TTC28: variants seen among roughly 807,000 people sequenced by gnomAD.
TTC28 encodes tetratricopeptide repeat protein 28.
Under a neutral mutation model 198.0 loss-of-function variants are expected in TTC28, and 61 were observed. The observed-to-expected ratio is 0.31, with a 90% CI of 0.25 to 0.38. The LOEUF is 0.38. TTC28 is among the 10% of genes least tolerant of loss of function. The probability of loss-of-function intolerance (pLI) is 1.00; values close to 1 mark genes in which losing one functional copy is unlikely to be tolerated. For synonymous variants in TTC28, 1,171 were observed against 1,297.8 expected (o/e 0.90, Z 2.10); for missense variants, 2,678 against 3,164.0 (o/e 0.85, Z 3.69).
chr22:28,097,608 AGGAACACAATGCAGC>A (rs1196716019), intron 10 of TTC28, among the ~76,000 whole-genome samples: 5 of 152,238 alleles, frequency 3.3e-5, no homozygotes, highest in African/African-American at 1.2e-4. Flanking sequence ...TAAGTGCTGA[AGGAACACAATGCAGC>A]GGATTTACTT....
intron 16 of TTC28, 178 bp downstream of exon 16, chr22:27,998,362 G>T: frequency 1.9e-6 from 2 of 1,057,480 alleles, no homozygotes; most frequent in Non-Finnish European, 2.6e-6. Flanking sequence ...GATCTTAATA[G>T]TAGGAAAAAC....
intron 2 of TTC28, among the ~76,000 whole-genome samples, chr22:28,354,117 G>A (rs953534444): frequency 5.3e-5 from 8 of 152,190 alleles, no homozygotes; most frequent in Non-Finnish European, 7.3e-5. Flanking sequence ...GTGGAAAATA[G>A]TTTGGTGTTC....
intron 5 of TTC28, among the ~76,000 whole-genome samples, chr22:28,203,204 A>C (rs1469050614): frequency 6.6e-6 from 1 of 152,114 alleles, no homozygotes; most frequent in Non-Finnish European, 1.5e-5. Context: ...TGGCTTTTTC[A>C]TGTAGGCCCT....
chr22:28,447,768 A>C (rs551843579), intron 2 of TTC28, among the ~76,000 whole-genome samples: 1 of 152,348 alleles, frequency 6.6e-6, no homozygotes, highest in Non-Finnish European at 1.5e-5. Context: ...GAAATAATTA[A>C]TCTAAAACTT....
intron 2 of TTC28, among the ~76,000 whole-genome samples, chr22:28,470,265 G>T (rs1173583921): frequency 6.6e-6 from 1 of 152,152 alleles, no homozygotes; most frequent in African/African-American, 2.4e-5. Flanking sequence ...ACTAAGAGGT[G>T]GCTGGCTGGG....
intron 5 of TTC28, among the ~76,000 whole-genome samples, chr22:28,193,499 T>A (rs1230739098): frequency 1.3e-5 from 2 of 152,062 alleles, no homozygotes; most frequent in Admixed American, 1.3e-4. Flanking sequence ...GGCAAATTGA[T>A]TAAACAGTCA....
chr22:28,123,711 G>A (rs779487883), intron 6 of TTC28, among the ~76,000 whole-genome samples: 15 of 152,074 alleles, frequency 9.9e-5, no homozygotes, highest in African/African-American at 1.7e-4. Context: ...GACTGGGGGC[G>A]GTGGCTTATG....
At chr22:28,192,900 A>C (rs1291785150) in intron 5 of TTC28, among the ~76,000 whole-genome samples, 4 of 152,216 alleles carry the variant, frequency 2.6e-5, no homozygotes, top group African/African-American at 9.6e-5. Flanking sequence ...TCCCCAACCT[A>C]GCAAGGCAGG....
At chr22:28,567,975 C>A (rs1288503454) in intron 2 of TTC28, among the ~76,000 whole-genome samples, 1 of 151,264 alleles carries the variant, frequency 6.6e-6, no homozygotes, top group Non-Finnish European at 1.5e-5. Flanking sequence ...AATTGGGGAA[C>A]AATTTAAAAA....
At chr22:28,482,186 G>C (rs1297392419) in intron 2 of TTC28, among the ~76,000 whole-genome samples, 1 of 141,352 alleles carries the variant, frequency 7.1e-6, no homozygotes, top group Non-Finnish European at 1.5e-5. Flanking sequence ...TGCTTAGCTA[G>C]TAGAGATAGT....
intron 2 of TTC28, among the ~76,000 whole-genome samples, chr22:28,543,972 G>A (rs1216308341): frequency 2.6e-5 from 4 of 152,212 alleles, no homozygotes; most frequent in African/African-American, 9.6e-5. Context: ...TGTAATCCCA[G>A]CACTTTGAGA....
chr22:28,616,601 A>G lies in TTC28; in HGVS notation c.381+12951T>C, dbSNP rs544164779. Among the ~76,000 whole-genome samples the G allele has an allele frequency of 5.3e-5, 8 of 152,278 alleles. No homozygotes were observed. The South Asian group carries it at 1.7e-3, about 32-fold the overall frequency. ...ACACAGTGGTTCATGCCTGTAATCC[A>G]AGCACTTTGGGAGGCCAAGGCAAGT... On this transcript the variant is annotated intron_variant, in intron 2 of 22. Transcript: ENST00000397906.
At chr22:27,987,353 G>C (rs763559128) in intron 21 of TTC28, among the ~76,000 whole-genome samples, 2 of 152,218 alleles carry the variant, frequency 1.3e-5, no homozygotes, top group African/African-American at 2.4e-5. Flanking sequence ...AAAGCAGGGA[G>C]TGTGCAGGGG....
chr22:28,339,008 T>C (rs1294021933), intron 2 of TTC28, among the ~76,000 whole-genome samples: 1 of 152,228 alleles, frequency 6.6e-6, no homozygotes, highest in Non-Finnish European at 1.5e-5. Context: ...TGTGGTTTTA[T>C]CTACCTTTGG....
At chr22:28,060,272 G>C (rs1017726429) in intron 12 of TTC28, among the ~76,000 whole-genome samples, 4 of 151,920 alleles carry the variant, frequency 2.6e-5, no homozygotes. Flanking sequence ...GACAGGCTCC[G>C]GTGTGTGATG....
intron 5 of TTC28, among the ~76,000 whole-genome samples, chr22:28,268,167 A>C (rs1004921228): frequency 2.0e-5 from 3 of 152,200 alleles, no homozygotes; most frequent in Non-Finnish European, 2.9e-5. Context: ...TTGGATGCTC[A>C]TCCAACTTTT....
chr22:28,286,925 ATGG>A (rs2044696729), intron 5 of TTC28, among the ~76,000 whole-genome samples: 1 of 152,196 alleles, frequency 6.6e-6, no homozygotes, highest in Non-Finnish European at 1.5e-5. Context: ...AACCATGTTT[ATGG>A]AATATAAGAT....
At chr22:28,240,233 G>C (rs1929568866) in intron 5 of TTC28, among the ~76,000 whole-genome samples, 1 of 152,156 alleles carries the variant, frequency 6.6e-6, no homozygotes. Context: ...TAGTACTTCT[G>C]AAACCATATT....
At chr22:28,201,866 C>T (rs564195828) in intron 5 of TTC28, among the ~76,000 whole-genome samples, 1 of 151,748 alleles carries the variant, frequency 6.6e-6, no homozygotes, top group South Asian at 2.1e-4. Context: ...GGGGTGATGG[C>T]CCTGGGAATA....
Sources: gnomAD v4.1 joint callset for allele counts (sites outside exome capture counted in the v4.1 genomes callset) on GRCh38, gnomAD v4.1.1 for gene constraint, MANE v1.5 for transcripts, NCBI Gene and HGNC (gene_info 2026-07-23, HGNC 2026-07-21) for gene names.